Variants in CATSPERE observed in about 807,000 individuals in gnomAD.
CATSPERE encodes the protein cation channel sperm-associated auxiliary subunit epsilon.
In CATSPERE, 93 loss-of-function variants were observed where a neutral mutation model predicts 114.1. That is an observed-to-expected ratio of 0.81 (90% CI 0.69 to 0.97). The LOEUF (loss-of-function observed/expected upper bound fraction) is 0.97. Ranked by LOEUF, CATSPERE falls within the 50% of genes least tolerant of loss-of-function variation. The pLI is 0.00. For synonymous variants in CATSPERE, 341 were observed against 384.1 expected, an observed-to-expected ratio of 0.89 and a Z score of 1.31; for missense variants, 1,058 against 1,131.6, an observed-to-expected ratio of 0.93 and a Z score of 0.93.
intron 7 of CATSPERE, among the ~76,000 whole-genome samples, chr1:244,515,555 G>A (rs1402637323): frequency 6.6e-6 from 1 of 152,174 alleles, no homozygotes; most frequent in African/African-American, 2.4e-5. Flanking sequence ...GGTACTTGAA[G>A]CCATGAGTGA....
chr1:244,634,985 C>A (rs547621928), intron 20 of CATSPERE, among the ~76,000 whole-genome samples: 35 of 152,314 alleles, frequency 2.3e-4, no homozygotes, highest in African/African-American at 8.4e-4. Flanking sequence ...GCTGTGACTA[C>A]AGGTGCCCAC....
intron 8 of CATSPERE, among the ~76,000 whole-genome samples, chr1:244,544,121 AC>A (rs1659338832): frequency 1.3e-5 from 2 of 152,080 alleles, no homozygotes; most frequent in Non-Finnish European, 2.9e-5. Context: ...CTGTCTATAG[AC>A]CCAAAAGCCC....
At chr1:244,563,986 C>A (rs1476618169) in intron 10 of CATSPERE, among the ~76,000 whole-genome samples, 2 of 152,128 alleles carry the variant, frequency 1.3e-5, no homozygotes, top group Non-Finnish European at 2.9e-5. Context: ...CCAGTTTTCC[C>A]AACACCATTT....
intron 8 of CATSPERE, among the ~76,000 whole-genome samples, chr1:244,546,279 G>A (rs1006602887): frequency 2.6e-5 from 4 of 152,192 alleles, no homozygotes; most frequent in Non-Finnish European, 4.4e-5. Context: ...TGGCTGCCAT[G>A]GTCATAGGTT....
intron 8 of CATSPERE, among the ~76,000 whole-genome samples, chr1:244,522,530 A>C (rs1305347784): frequency 6.6e-6 from 1 of 152,240 alleles, no homozygotes; most frequent in Non-Finnish European, 1.5e-5. Context: ...CATTCAAAAA[A>C]TTAACGAATA....
chr1:244,551,139 C>T (rs1261307451), intron 8 of CATSPERE, among the ~76,000 whole-genome samples: 1 of 152,198 alleles, frequency 6.6e-6, no homozygotes, highest in Admixed American at 6.5e-5. Context: ...TGTTATTCAT[C>T]AGGTGTGTAA....
At chr1:244,638,488 C>G (rs938108437) in intron 21 of CATSPERE, among the ~76,000 whole-genome samples, 1 of 152,200 alleles carries the variant, frequency 6.6e-6, no homozygotes, top group Admixed American at 6.5e-5. Flanking sequence ...GAGCTTCCCA[C>G]TCTGGCAAGC....
intron 17 of CATSPERE, among the ~76,000 whole-genome samples, chr1:244,596,770 TA>T (rs200291001): frequency 1.0e-3 from 123 of 117,566 alleles, no homozygotes; most frequent in Non-Finnish European, 1.3e-3. Context: ...GAACCTAAAG[TA>T]AAATTTAAAA....
At chr1:244,505,235 C>A (rs184317271) in intron 7 of CATSPERE, among the ~76,000 whole-genome samples, 367 of 152,252 alleles carry the variant, frequency 2.4e-3, no homozygotes, top group African/African-American at 7.9e-3. Flanking sequence ...ATAATTCCTG[C>A]ATCATAGCAC....
chr1:244,505,668 A>G (rs1482749488), intron 7 of CATSPERE, among the ~76,000 whole-genome samples: 1 of 152,180 alleles, frequency 6.6e-6, no homozygotes, highest in East Asian at 1.9e-4. Context: ...GTTATTAGTC[A>G]GCTCAGGTGA....
chr1:244,492,394 AC>A (rs1302916746), intron 6 of CATSPERE, among the ~76,000 whole-genome samples: 15 of 150,620 alleles, frequency 1.0e-4, no homozygotes, highest in South Asian at 2.1e-4. Flanking sequence ...AAATTCAACA[AC>A]CCTTCATGCT....
chr1:244,527,330 T>G lies in CATSPERE; in HGVS notation c.536+8632T>G, dbSNP rs537518471. On this transcript the variant is annotated intron_variant, in intron 8 of 21. Coordinates refer to ENST00000366534, the MANE Select transcript of CATSPERE (RefSeq NM_001130957.2). ...GGACGCATTCTCTTTCTCAGGGATG[T>G]TCCTTGCTGAGAAAAAGAATTCAGC... Among the ~76,000 whole-genome samples the G allele has an allele frequency of 9.8e-5, 15 of 152,332 alleles. No individual in the cohort carries two copies. In the East Asian group the frequency reaches 2.9e-3, roughly 29 times the overall value.
At chr1:244,492,247 TGATCAA>T (rs2148236509) in intron 6 of CATSPERE, among the ~76,000 whole-genome samples, 1 of 152,180 alleles carries the variant, frequency 6.6e-6, no homozygotes, top group African/African-American at 2.4e-5. Flanking sequence ...TTATCCACCA[TGATCAA>T]GTGGGCTTCA....
At chr1:244,561,271 C>T (rs1662521101) in intron 10 of CATSPERE, 126 bp downstream of exon 10, 1 of 679,102 alleles carries the variant, frequency 1.5e-6, no homozygotes. Flanking sequence ...CACTTCTTAT[C>T]ACCTACAAAT....
At chr1:244,509,879 T>C (rs550451487) in intron 7 of CATSPERE, among the ~76,000 whole-genome samples, 1 of 152,200 alleles carries the variant, frequency 6.6e-6, no homozygotes, top group Admixed American at 6.5e-5. Context: ...GGTTCATAAA[T>C]AGTCCTTAAG....
chr1:244,583,232 C>A (rs563426467), intron 12 of CATSPERE, among the ~76,000 whole-genome samples: 1 of 151,784 alleles, frequency 6.6e-6, no homozygotes, highest in East Asian at 1.9e-4. Flanking sequence ...ACAAAAAAAA[C>A]CTTAGCAGGT....
intron 17 of CATSPERE, 94 bp downstream of exon 17, chr1:244,593,672 G>A (rs939324102): frequency 2.6e-5 from 26 of 1,001,446 alleles, no homozygotes; most frequent in South Asian, 7.3e-5. Flanking sequence ...CTAACAACAC[G>A]TATTTTAGAC....
chr1:244,469,559 G>T (rs557984068), intron 2 of CATSPERE, among the ~76,000 whole-genome samples: 8 of 152,264 alleles, frequency 5.3e-5, no homozygotes, highest in African/African-American at 1.9e-4. Context: ...GAACTAAAAG[G>T]CATCCACTTT....
At chr1:244,562,887 C>T (rs1393112172) in intron 10 of CATSPERE, among the ~76,000 whole-genome samples, 1 of 152,176 alleles carries the variant, frequency 6.6e-6, no homozygotes, top group African/African-American at 2.4e-5. Flanking sequence ...CTCCCCTACC[C>T]TCCCAACCCC....
Sources: gnomAD v4.1 joint callset for allele counts (sites outside exome capture counted in the v4.1 genomes callset) on GRCh38, gnomAD v4.1.1 for gene constraint, MANE v1.5 for transcripts, NCBI Gene and HGNC (gene_info 2026-07-23, HGNC 2026-07-21) for gene names.